The following L3MBTL4 variants were observed in gnomAD, a reference collection of about 807,000 sequenced individuals.
L3MBTL4 encodes the protein L3MBTL histone methyl-lysine binding protein 4.
L3MBTL4 carries 70 observed loss-of-function variants against 84.5 expected under a neutral mutation model. That is an observed-to-expected ratio of 0.83 (90% CI 0.68 to 1.01). The LOEUF (loss-of-function observed/expected upper bound fraction) is 1.01. Ranked by LOEUF, L3MBTL4 falls within the 50% of genes least tolerant of loss-of-function variation. L3MBTL4 has a pLI of 0.00. For missense variants in L3MBTL4, 715 were observed against 754.8 expected, an observed-to-expected ratio of 0.95 and a Z score of 0.62; for synonymous variants, 274 against 259.8, an observed-to-expected ratio of 1.05 and a Z score of -0.52.
intron 16 of L3MBTL4, among the ~76,000 whole-genome samples, chr18:6,050,088 C>T (rs534391603): frequency 3.6e-4 from 55 of 152,154 alleles, no homozygotes; most frequent in Non-Finnish European, 7.2e-4. Flanking sequence ...TAAGAAATTA[C>T]CCACAATACT....
chr18:6,276,503 C>T (rs1408346185), intron 4 of L3MBTL4, among the ~76,000 whole-genome samples: 1 of 152,026 alleles, frequency 6.6e-6, no homozygotes. Flanking sequence ...CAATTGCAAA[C>T]ATATGAGCTA....
chr18:6,366,124 C>G (rs1287467931), intron 1 of L3MBTL4, among the ~76,000 whole-genome samples: 3 of 152,180 alleles, frequency 2.0e-5, no homozygotes, highest in Non-Finnish European at 4.4e-5. Flanking sequence ...TTTTCCTTCT[C>G]TAAGTGCATA....
chr18:5,999,876 C>T (rs1363924766), intron 16 of L3MBTL4, among the ~76,000 whole-genome samples: 3 of 152,068 alleles, frequency 2.0e-5, no homozygotes, highest in African/African-American at 7.2e-5. Flanking sequence ...TAAAAGAAGC[C>T]CTACTGGACT....
At chr18:6,392,223 A>C (rs1207699247) in intron 1 of L3MBTL4, among the ~76,000 whole-genome samples, 2 of 152,222 alleles carry the variant, frequency 1.3e-5, no homozygotes, top group Non-Finnish European at 2.9e-5. Context: ...AGCATACAGC[A>C]ACATAAATTG....
intron 16 of L3MBTL4, among the ~76,000 whole-genome samples, chr18:5,980,924 C>G (rs998190524): frequency 1.3e-5 from 2 of 152,184 alleles, no homozygotes; most frequent in Admixed American, 6.5e-5. Flanking sequence ...TGTTCCCTCT[C>G]GCATACACCA....
At position 6,335,313 on chromosome 18, in the gene L3MBTL4, A is replaced by G. The variant is rs181504317; in HGVS notation, c.-90-23257T>C. On this transcript the variant is annotated intron_variant, in intron 1 of 18. Coordinates refer to ENST00000317931, the MANE Select transcript of L3MBTL4 (RefSeq NM_001330559.2). ...ACCACATTGGCCAGGCTGGTCTCAA[A>G]TACCTGACCTCAGGTGATCCACCCG... Among the ~76,000 whole-genome samples, 33 of 152,172 alleles carry G rather than the reference A, an allele frequency of 2.2e-4. No individual in the cohort carries two copies. The Middle Eastern group carries it at 0.01, about 47-fold the overall frequency.
chr18:6,064,791 A>G (rs1279825513), intron 16 of L3MBTL4, among the ~76,000 whole-genome samples: 2 of 151,906 alleles, frequency 1.3e-5, no homozygotes, highest in Middle Eastern at 3.4e-3. Flanking sequence ...CATATCATTG[A>G]TGAATCGTGA....
At chr18:6,150,997 A>G (rs1393990237) in intron 13 of L3MBTL4, among the ~76,000 whole-genome samples, 1 of 152,192 alleles carries the variant, frequency 6.6e-6, no homozygotes, top group African/African-American at 2.4e-5. Context: ...AGACTACAGC[A>G]GCGCCAGGCT....
chr18:6,170,575 G>A (rs565166204), intron 13 of L3MBTL4, among the ~76,000 whole-genome samples: 1 of 152,272 alleles, frequency 6.6e-6, no homozygotes, highest in East Asian at 1.9e-4. Context: ...AGACATTCAG[G>A]TAGAAAAGCC....
intron 12 of L3MBTL4, among the ~76,000 whole-genome samples, chr18:6,182,968 C>T (rs1329805090): frequency 2.0e-5 from 3 of 152,190 alleles, no homozygotes; most frequent in African/African-American, 7.2e-5. Context: ...AGGCCTGATG[C>T]AGAGGACCAC....
At chr18:6,153,330 A>G (rs1490185750) in intron 13 of L3MBTL4, among the ~76,000 whole-genome samples, 1 of 152,148 alleles carries the variant, frequency 6.6e-6, no homozygotes, top group Admixed American at 6.6e-5. Flanking sequence ...TTTAACATTA[A>G]GTCTTCCAGT....
intron 16 of L3MBTL4, among the ~76,000 whole-genome samples, chr18:5,985,224 G>A (rs2053415034): frequency 6.6e-6 from 1 of 152,226 alleles, no homozygotes; most frequent in African/African-American, 2.4e-5. Context: ...GCAAGAATGG[G>A]AGAGATGATA....
At chr18:6,205,213 C>T (rs112416049) in intron 12 of L3MBTL4, among the ~76,000 whole-genome samples, 22 of 152,178 alleles carry the variant, frequency 1.4e-4, no homozygotes, top group African/African-American at 3.1e-4. Context: ...GAAGGTGCTA[C>T]GCTGCTGGCT....
chr18:6,265,880 A>G (rs1184971001), intron 4 of L3MBTL4, among the ~76,000 whole-genome samples: 3 of 152,218 alleles, frequency 2.0e-5, no homozygotes, highest in African/African-American at 7.2e-5. Context: ...CAGCAGGCAT[A>G]AGCTTTAGAG....
At chr18:6,055,488 A>AGATT (rs59546903) in intron 16 of L3MBTL4, among the ~76,000 whole-genome samples, 7 of 152,316 alleles carry the variant, frequency 4.6e-5, no homozygotes, top group African/African-American at 1.2e-4. Context: ...TTAAAGGCAC[A>AGATT]GATTGATTGA....
chr18:6,170,257 G>A (rs1598995908), intron 13 of L3MBTL4, among the ~76,000 whole-genome samples: 1 of 152,122 alleles, frequency 6.6e-6, no homozygotes, highest in African/African-American at 2.4e-5. Context: ...AGGAGAACCT[G>A]TGCAACTCAC....
intron 14 of L3MBTL4, among the ~76,000 whole-genome samples, chr18:6,101,951 C>T (rs567117879): frequency 6.6e-6 from 1 of 152,282 alleles, no homozygotes; most frequent in East Asian, 1.9e-4. Flanking sequence ...CCCAGGCCAC[C>T]TTTTCAAGAC....
intron 1 of L3MBTL4, among the ~76,000 whole-genome samples, chr18:6,358,932 A>G (rs1346413686): frequency 6.6e-6 from 1 of 152,244 alleles, no homozygotes; most frequent in Non-Finnish European, 1.5e-5. Context: ...TCCAGTGGAT[A>G]GCCCAGGTAT....
intron 12 of L3MBTL4, among the ~76,000 whole-genome samples, chr18:6,185,975 T>G (rs186007936): frequency 1.4e-5 from 2 of 145,350 alleles, no homozygotes; most frequent in African/African-American, 5.6e-5. Flanking sequence ...TTTTATTTTA[T>G]TTTATTTTAT....
Sources: allele counts gnomAD v4.1 joint callset (sites outside exome capture counted in the v4.1 genomes callset), GRCh38; gene constraint gnomAD v4.1.1; transcripts MANE v1.5; gene names NCBI Gene and HGNC (gene_info 2026-07-23, HGNC 2026-07-21).